Variants in MED13L observed in about 807,000 individuals in gnomAD.
MED13L encodes the protein mediator complex subunit 13L.
In MED13L, 7 loss-of-function variants were observed where a neutral mutation model predicts 220.9. The ratio of observed to expected loss-of-function variants is 0.03; its 90% CI spans 0.02 to 0.06. The LOEUF is 0.06. MED13L is among the 10% of genes least tolerant of loss of function. MED13L has a pLI of 1.00. For synonymous variants in MED13L, 1,011 were observed against 1,015.2 expected, an observed-to-expected ratio of 1.00 and a Z score of 0.08; for missense variants, 1,965 against 2,760.5, an observed-to-expected ratio of 0.71 and a Z score of 6.46.
chr12:116,131,570 G>GTTC (rs1447366014), intron 2 of MED13L, among the ~76,000 whole-genome samples: 3 of 152,306 alleles, frequency 2.0e-5, no homozygotes, highest in South Asian at 2.1e-4. Context: ...ATCTTTAACA[G>GTTC]ACGTTACGAT....
chr12:116,012,950 C>T (rs1879504799), intron 8 of MED13L, 49 bp from the exon 9 acceptor site: 1 of 1,333,638 alleles, frequency 7.5e-7, no homozygotes, highest in South Asian at 1.2e-5. Context: ...TACCCATACC[C>T]CTGGGGAGAA....
At position 116,263,394 on chromosome 12, in the gene MED13L, G is replaced by C. The variant is rs909617101; in HGVS notation, c.72+13666C>G. 5.3e-5 allele frequency among the ~76,000 whole-genome samples: 8 copies of C among 152,252 alleles called. No homozygotes were observed. In the South Asian group the frequency reaches 1.7e-3, roughly 32 times the overall value. Reference sequence around the variant, plus strand: ...GAATTGAAAAACAGAAATAATACTTGCCACTGCAACTTGTAATCTAAACAA... The same window carrying C: ...GAATTGAAAAACAGAAATAATACTTCCCACTGCAACTTGTAATCTAAACAA... On this transcript the variant is annotated intron_variant, in intron 1 of 30. Coordinates refer to ENST00000281928, the MANE Select transcript of MED13L (RefSeq NM_015335.5).
intron 2 of MED13L, among the ~76,000 whole-genome samples, chr12:116,159,094 A>G (rs1357060052): frequency 2.0e-5 from 3 of 152,194 alleles, no homozygotes; most frequent in African/African-American, 7.2e-5. Context: ...CTAGGAAAGG[A>G]TTTTCTGAGT....
Position 116,008,535 on chromosome 12 carries a change from C to T in MED13L, c.1878G>A (p.Pro626=), listed in dbSNP as rs532461100. 2.9e-5 allele frequency: 47 copies of T among 1,613,906 alleles called. No individual in the cohort carries two copies. The highest frequency in any genetic ancestry group is 1.3e-4 in the East Asian group (6 of 44,824). The part of the protein sequence containing the change: ...ALYCGIRPSN[P]ESSEKWWHSY... ...TATGCCACCACTTTTCTGATGACTC[C>T]GGGTTCGAGGGCCTAATCCCACAAT... The change falls in exon 10 of 31, where the codon CCG becomes CCA. Residue 626 remains proline, a synonymous_variant. Transcript: ENST00000281928.
At chr12:116,034,439 C>A (rs1456802688) in intron 4 of MED13L, among the ~76,000 whole-genome samples, 2 of 152,148 alleles carry the variant, frequency 1.3e-5, no homozygotes, top group Non-Finnish European at 2.9e-5. Flanking sequence ...GAGGCATACA[C>A]CAGGAGATAC....
At chr12:116,103,151 C>T (rs1259910824) in intron 3 of MED13L, among the ~76,000 whole-genome samples, 1 of 152,178 alleles carries the variant, frequency 6.6e-6, no homozygotes. Context: ...CTGGCCTCAC[C>T]TGAAATGTCC....
chr12:116,013,282 T>A (rs1227589390), intron 8 of MED13L, among the ~76,000 whole-genome samples: 1 of 152,096 alleles, frequency 6.6e-6, no homozygotes, highest in Non-Finnish European at 1.5e-5. Context: ...AGGTGACTGC[T>A]TATCGGTAGC....
At chr12:116,240,893 A>C (rs1870574092) in intron 1 of MED13L, among the ~76,000 whole-genome samples, 1 of 152,128 alleles carries the variant, frequency 6.6e-6, no homozygotes. Context: ...GGAAACAAAA[A>C]TAAAAAGAAG....
intron 1 of MED13L, among the ~76,000 whole-genome samples, chr12:116,248,974 G>T (rs1232855264): frequency 6.6e-6 from 1 of 152,194 alleles, no homozygotes; most frequent in Non-Finnish European, 1.5e-5. Context: ...GCCCTACAAA[G>T]GCCAAGACAG....
rs1444958380 is a variant in MED13L, at chr12:115,992,028, C to T, written c.2997-71G>A. 7 of 1,283,758 alleles carry T rather than the reference C, an allele frequency of 5.5e-6. No individual in the cohort carries two copies. In the East Asian group the frequency reaches 1.4e-4, roughly 26 times the overall value. The allele number at this position is 1,283,758 out of a possible 1,614,324, so 79.5% of individuals were successfully genotyped here. ...GATGCTGAACTAGACACATGATCAC[C>T]CCAGCCATGTACTGTGTATTTCTTA... On this transcript the variant is annotated intron_variant, in intron 16 of 30. Coordinates refer to ENST00000281928, the MANE Select transcript of MED13L (RefSeq NM_015335.5).
intron 4 of MED13L, among the ~76,000 whole-genome samples, chr12:116,073,253 A>G (rs1565863336): frequency 6.6e-6 from 1 of 152,204 alleles, no homozygotes; most frequent in African/African-American, 2.4e-5. Context: ...AATGCAACGT[A>G]GCAGAAAGTT....
At chr12:116,066,825 C>T (rs983359726) in intron 4 of MED13L, among the ~76,000 whole-genome samples, 6 of 151,558 alleles carry the variant, frequency 4.0e-5, no homozygotes, top group African/African-American at 1.2e-4. Context: ...AGGGCGAAAG[C>T]GGTCACATGC....
At chr12:116,109,694 T>C (rs898516631) in intron 3 of MED13L, among the ~76,000 whole-genome samples, 1 of 152,194 alleles carries the variant, frequency 6.6e-6, no homozygotes, top group African/African-American at 2.4e-5. Context: ...TTTTCTTGGA[T>C]AGAGTTTCTG....
At chr12:116,177,773 G>GA (rs1312084977) in intron 2 of MED13L, among the ~76,000 whole-genome samples, 1 of 152,122 alleles carries the variant, frequency 6.6e-6, no homozygotes, top group South Asian at 2.1e-4. Context: ...GTCATACTCA[G>GA]AAAAAAGTCA....
At chr12:116,179,204 C>CGTGTGTGTGT (rs60501771) in intron 2 of MED13L, among the ~76,000 whole-genome samples, 109 of 148,186 alleles carry the variant, frequency 7.4e-4, no homozygotes, top group African/African-American at 1.7e-3. Context: ...TGACGATTTA[C>CGTGTGTGTGT]GTGTGTGTGT....
intron 2 of MED13L, among the ~76,000 whole-genome samples, chr12:116,212,887 A>G (rs755877145): frequency 1.3e-5 from 2 of 152,204 alleles, no homozygotes; most frequent in Non-Finnish European, 2.9e-5. Flanking sequence ...AACTAAAAAG[A>G]AAGTGGAGAG....
intron 1 of MED13L, among the ~76,000 whole-genome samples, chr12:116,270,779 G>A (rs1010349785): frequency 1.3e-5 from 2 of 151,562 alleles, no homozygotes; most frequent in Admixed American, 6.6e-5. Context: ...GCGGTGGCTC[G>A]AGCCTGTAAT....
chr12:116,199,172 TTTTTTA>T (rs1881843231), intron 2 of MED13L, among the ~76,000 whole-genome samples: 1 of 152,236 alleles, frequency 6.6e-6, no homozygotes, highest in Non-Finnish European at 1.5e-5. Context: ...TGGTCCCATT[TTTTTTA>T]TCTTGTCTCT....
At position 116,275,039 on chromosome 12, in the gene MED13L, C is replaced by A. The variant is rs537742535; in HGVS notation, c.72+2021G>T. On this transcript the variant is annotated intron_variant, in intron 1 of 30. Coordinates refer to ENST00000281928, the MANE Select transcript of MED13L (RefSeq NM_015335.5). ...AGAAATGATATACCCTAAAGACTGGCTATACATATACTTTCATTTGTCTAC... is the reference window on the plus strand; with the variant it reads ...AGAAATGATATACCCTAAAGACTGGATATACATATACTTTCATTTGTCTAC... 2.0e-5 allele frequency among the ~76,000 whole-genome samples: 3 copies of A among 151,180 alleles called. No individual in the cohort carries two copies. The South Asian group carries it at 6.3e-4, about 32-fold the overall frequency.
Sources: allele counts gnomAD v4.1 joint callset (sites outside exome capture counted in the v4.1 genomes callset), GRCh38; gene constraint gnomAD v4.1.1; transcripts MANE v1.5; gene names NCBI Gene and HGNC (gene_info 2026-07-23, HGNC 2026-07-21).